Variants in SCN3A observed in about 807,000 individuals in gnomAD.
The protein encoded by SCN3A is sodium voltage-gated channel alpha subunit 3.
A neutral mutation model predicts 187.6 loss-of-function variants in SCN3A; 60 were observed. That is an observed-to-expected ratio of 0.32 (90% CI 0.26 to 0.40). SCN3A has a LOEUF of 0.40. Ranked by LOEUF, SCN3A falls within the 10% of genes least tolerant of loss-of-function variation. SCN3A has a pLI of 1.00. For missense variants in SCN3A, 1,601 were observed against 2,428.2 expected, an observed-to-expected ratio of 0.66 and a Z score of 7.16; for synonymous variants, 788 against 829.2, an observed-to-expected ratio of 0.95 and a Z score of 0.85.
intron 3 of SCN3A, 62 bp from the exon 4 acceptor site, chr2:165,170,610 A>T: frequency 1.0e-6 from 1 of 983,798 alleles, no homozygotes; most frequent in Non-Finnish European, 1.6e-6. Flanking sequence ...AAGAGCTTAC[A>T]TACATGAAGA....
chr2:165,179,801 C>G (rs1690719661), intron 2 of SCN3A: 1 of 152,140 alleles, frequency 6.6e-6, no homozygotes. Flanking sequence ...TTGGAAATCC[C>G]TCATAGTTCT....
chr2:165,114,490 C>T (rs929350583), intron 19 of SCN3A, among the ~76,000 whole-genome samples: 1 of 152,216 alleles, frequency 6.6e-6, no homozygotes, highest in African/African-American at 2.4e-5. Context: ...CAGTCAGTAT[C>T]TCTTTCCCTT....
In SCN3A at chr2:165,092,628, C is replaced by T; in HGVS notation, c.4537-104G>A. The T allele has an allele frequency of 9.5e-7, 1 of 1,056,628 alleles. No homozygotes were observed. Among genetic ancestry groups the T allele is most frequent in the Non-Finnish European group, 1.4e-6 (1 of 707,376 alleles). The allele number at this position is 1,056,628 out of a possible 1,614,324, so 65.5% of individuals were successfully genotyped here. On this transcript the variant is annotated intron_variant, in intron 26 of 27. Coordinates refer to ENST00000283254, the MANE Select transcript of SCN3A (RefSeq NM_006922.4). This position sits in a 1 kb window ranked among gnomAD's most constrained non-coding sequence, Gnocchi z 4.2. ...CTTCCACATACGGGATGGATGTGCA[C>T]CCTCCTCATATTACCCCAAACAATT...
intron 2 of SCN3A, among the ~76,000 whole-genome samples, chr2:165,178,283 G>A (rs1290248745): frequency 6.6e-6 from 1 of 152,024 alleles, no homozygotes; most frequent in East Asian, 1.9e-4. Context: ...CTGGAGTGCA[G>A]TGGCACAATC....
intron 5 of SCN3A, among the ~76,000 whole-genome samples, chr2:165,164,888 A>T (rs1176597077): frequency 6.6e-6 from 1 of 152,190 alleles, no homozygotes; most frequent in Non-Finnish European, 1.5e-5. Flanking sequence ...AAAAGATGAG[A>T]AGAAGCAAGT....
At chr2:165,135,516 C>T (rs774584760) in intron 15 of SCN3A, among the ~76,000 whole-genome samples, 1 of 152,026 alleles carries the variant, frequency 6.6e-6, no homozygotes, top group Non-Finnish European at 1.5e-5. Flanking sequence ...ATTATAAGCT[C>T]TCCACAAAAC....
At chr2:165,097,096 CT>C in intron 23 of SCN3A, 155 bp downstream of exon 23, 1 of 713,170 alleles carries the variant, frequency 1.4e-6, no homozygotes, top group South Asian at 2.0e-5. Flanking sequence ...ATTGTAACAT[CT>C]TTTTTATGAT....
In SCN3A at chr2:165,092,829, G is replaced by T. The variant is rs1685177205; in HGVS notation, c.4537-305C>A. The T allele has an allele frequency of 3.2e-6, 1 of 309,506 alleles. No individual in the cohort carries two copies. The highest frequency in any genetic ancestry group is 3.6e-5 in the South Asian group (1 of 27,552). 19.2% of individuals were successfully genotyped at this position (309,506 alleles called of 1,614,324 possible). A position where few individuals can be genotyped will look rare whatever the true frequency, so the allele number is the denominator to read the frequency against. On this transcript the variant is annotated intron_variant, in intron 26 of 27. Coordinates refer to ENST00000283254, the MANE Select transcript of SCN3A (RefSeq NM_006922.4). The surrounding 1 kb of genome is among the most constrained non-coding windows in gnomAD (Gnocchi z 4.2). ...TCCAGCACTTTAGGAGGCTGAGACT[G>T]GAGGCTCTCTTGAGGCCAAGAGTTC...
At chr2:165,106,464 TGTGTAATTATGACTGTATCTTCAG>T (rs1343636960) in intron 21 of SCN3A, among the ~76,000 whole-genome samples, 1 of 152,170 alleles carries the variant, frequency 6.6e-6, no homozygotes, top group Non-Finnish European at 1.5e-5. Flanking sequence ...GTTTATGAAG[TGTGTAATTATGACTGTATCTTCAG>T]GTGTAATTAT....
chr2:165,145,548 G>A (rs901435414), intron 12 of SCN3A, among the ~76,000 whole-genome samples: 7 of 151,792 alleles, frequency 4.6e-5, no homozygotes, highest in Non-Finnish European at 1.0e-4. Flanking sequence ...TATTAATATA[G>A]TCTACTTTTT....
Position 165,115,563 on chromosome 2 carries a change from T to C in SCN3A, c.3406A>G (p.Thr1136Ala). 2 of 1,613,908 alleles carry C rather than the reference T, an allele frequency of 1.2e-6. No individual in the cohort carries two copies. Among genetic ancestry groups the C allele is most frequent in the Non-Finnish European group, 1.7e-6 (2 of 1,179,864 alleles). The change falls in exon 19 of 28, where the codon ACC (threonine) becomes GCC (alanine). Residue 1136 changes from threonine (T) to alanine (A), a missense_variant. This residue lies in a region of SCN3A where 267 missense variants were observed against 313.2 expected (regional missense o/e 0.85). Coordinates refer to ENST00000283254, the MANE Select transcript of SCN3A (RefSeq NM_006922.4). The stretch of plus-strand genomic sequence containing the variant: ...ACTGTGCTTCCTTCAGATGAGCTGG[T>C]TGCATTTAATTTCTGGAAACAAAAT... Reference protein sequence around the residue: ...LEESKEKLNATSSSEGSTVDV... With the variant: ...LEESKEKLNAASSSEGSTVDV...
In SCN3A at chr2:165,090,275, C is replaced by T. The variant is rs751266947; in HGVS notation, c.5878G>A (p.Gly1960Arg). The change falls in exon 28 of 28, where the codon GGG (glycine) becomes AGG (arginine). Residue 1960 changes from glycine (G) to arginine (R), a missense_variant. Gly to Arg is a moderately radical substitution (Grantham distance 125, BLOSUM62 -2). This residue lies in a region of SCN3A where 87 missense variants were observed against 89.2 expected (regional missense o/e 0.98). Transcript: ENST00000283254. The surrounding 1 kb of genome is among the most constrained non-coding windows in gnomAD (Gnocchi z 4.0). The stretch of plus-strand genomic sequence containing the variant: ...GGAGGAGAGGTGGTAGAGGAACTCC[C>T]ATCTGTTTTTTCTGGAGTGGAGTTC... ...NGNSTPEKTDGSSSTTSPPSY... is the reference protein window; with the variant it reads ...NGNSTPEKTDRSSSTTSPPSY... 4 of 1,612,638 alleles carry T rather than the reference C, an allele frequency of 2.5e-6. No homozygotes were observed. In the South Asian group the frequency reaches 4.4e-5, roughly 18 times the overall value.
At chr2:165,148,124 C>T (rs186784515) in intron 11 of SCN3A, among the ~76,000 whole-genome samples, 13 of 147,446 alleles carry the variant, frequency 8.8e-5, no homozygotes, top group African/African-American at 2.8e-4. Context: ...TAGTATGTCA[C>T]CTGACATAAA....
chr2:165,118,596 T>C (rs1686487577), intron 18 of SCN3A, among the ~76,000 whole-genome samples: 1 of 152,142 alleles, frequency 6.6e-6, no homozygotes, highest in Non-Finnish European at 1.5e-5. Context: ...TCTTTTTTTT[T>C]TCCCCCTTGG....
chr2:165,127,168 C>G (rs571325252), intron 18 of SCN3A, among the ~76,000 whole-genome samples: 11 of 152,158 alleles, frequency 7.2e-5, no homozygotes, highest in Non-Finnish European at 1.5e-4. Context: ...AAGCAATCCT[C>G]CCACCTCAGC....
intron 1 of SCN3A, among the ~76,000 whole-genome samples, chr2:165,200,677 A>G (rs1034085849): frequency 3.9e-5 from 6 of 151,996 alleles, no homozygotes; most frequent in African/African-American, 1.4e-4. Flanking sequence ...GGCTGCCATG[A>G]AGATGAAGCT....
chr2:165,186,166 A>T (rs1691222341), intron 2 of SCN3A, among the ~76,000 whole-genome samples: 1 of 152,076 alleles, frequency 6.6e-6, no homozygotes, highest in Admixed American at 6.5e-5. Flanking sequence ...GCTACTCAGG[A>T]GGCTGAGGCA....
chr2:165,167,093 G>A (rs1455241057), intron 5 of SCN3A, among the ~76,000 whole-genome samples: 1 of 151,964 alleles, frequency 6.6e-6, no homozygotes, highest in Non-Finnish European at 1.5e-5. Context: ...TAGAGATGGG[G>A]TTTCACCATG....
At chr2:165,183,734 G>A (rs1691039467) in intron 2 of SCN3A, among the ~76,000 whole-genome samples, 1 of 152,096 alleles carries the variant, frequency 6.6e-6, no homozygotes, top group East Asian at 1.9e-4. Flanking sequence ...TCTCTGTCGG[G>A]ATTTTTATGA....
Sources: allele counts gnomAD v4.1 joint callset (sites outside exome capture counted in the v4.1 genomes callset), GRCh38; gene constraint gnomAD v4.1.1; regional missense constraint gnomAD v4.1.1; non-coding constraint Gnocchi (gnomAD v3.1); transcripts MANE v1.5; gene names NCBI Gene and HGNC (gene_info 2026-07-23, HGNC 2026-07-21).